The following GHR variants were observed in gnomAD, a reference collection of about 807,000 sequenced individuals.
The protein encoded by GHR is growth hormone receptor, also known as GH receptor.
Under a neutral mutation model 67.1 loss-of-function variants are expected in GHR, and 35 were observed. That is an observed-to-expected ratio of 0.52 (90% CI 0.40 to 0.69). The LOEUF (loss-of-function observed/expected upper bound fraction) is 0.69. Among genes scored for constraint, GHR ranks in the 30% least tolerant of loss-of-function variants. GHR has a pLI of 0.00. For missense variants in GHR, 792 were observed against 764.6 expected (o/e 1.04, Z -0.42); for synonymous variants, 272 against 269.1 (o/e 1.01, Z -0.10).
At chr5:42,560,473 T>G (rs186964115) in intron 1 of GHR, among the ~76,000 whole-genome samples, 1 of 152,336 alleles carries the variant, frequency 6.6e-6, no homozygotes, top group Admixed American at 6.5e-5. Context: ...ATTACAGGTG[T>G]AAGCCACCAC....
At chr5:42,654,801 A>G (rs1185366078) in intron 3 of GHR, among the ~76,000 whole-genome samples, 1 of 152,152 alleles carries the variant, frequency 6.6e-6, no homozygotes, top group Non-Finnish European at 1.5e-5. Context: ...TTTTGCAAGC[A>G]CTGGCATTTA....
chr5:42,424,497 G>A lies in GHR; in HGVS notation c.-12+542G>A, dbSNP rs2111851637. 1.8e-6 allele frequency: 2 copies of A among 1,111,592 alleles called. No homozygotes were observed. The highest frequency in any genetic ancestry group is 5.2e-5 in the East Asian group (2 of 38,804). 68.9% of individuals were successfully genotyped at this position (1,111,592 alleles called of 1,614,324 possible). ...GCTGTGCGCGTGGACACAGCGCGCA[G>A]AGCGCGCGGTCTTTTGCGCGTTTGT... On this transcript the variant is annotated intron_variant, in intron 1 of 9. Transcript: ENST00000230882. The surrounding 1 kb of genome is among the most constrained non-coding windows in gnomAD (Gnocchi z 4.1).
At chr5:42,638,143 G>C (rs1754295247) in intron 3 of GHR, among the ~76,000 whole-genome samples, 1 of 152,022 alleles carries the variant, frequency 6.6e-6, no homozygotes, top group African/African-American at 2.4e-5. Flanking sequence ...ATTTCACCGT[G>C]TTGGTCAGGC....
At chr5:42,684,746 A>C (rs1207737101) in intron 3 of GHR, among the ~76,000 whole-genome samples, 2 of 152,164 alleles carry the variant, frequency 1.3e-5, no homozygotes, top group Non-Finnish European at 2.9e-5. Context: ...CAGGAAAATG[A>C]GTATTTCTTA....
intron 3 of GHR, among the ~76,000 whole-genome samples, chr5:42,632,834 T>A (rs1013761501): frequency 3.9e-5 from 6 of 152,226 alleles, no homozygotes; most frequent in African/African-American, 1.4e-4. Flanking sequence ...AACTTTTTTA[T>A]ATTTTAAAGA....
At chr5:42,592,852 TC>T (rs1272700094) in intron 2 of GHR, among the ~76,000 whole-genome samples, 1 of 152,206 alleles carries the variant, frequency 6.6e-6, no homozygotes, top group Non-Finnish European at 1.5e-5. Flanking sequence ...TAATTTACAT[TC>T]CTACAAGCAA....
intron 1 of GHR, among the ~76,000 whole-genome samples, chr5:42,519,840 A>G (rs1377985514): frequency 6.6e-6 from 1 of 152,168 alleles, no homozygotes; most frequent in Non-Finnish European, 1.5e-5. Context: ...GCAGGGTATG[A>G]CACATGTAGT....
intron 1 of GHR, among the ~76,000 whole-genome samples, chr5:42,525,603 A>AGGGACTGC (rs1261928177): frequency 6.6e-6 from 1 of 152,198 alleles, no homozygotes; most frequent in African/African-American, 2.4e-5. Flanking sequence ...TGGTTTTAAA[A>AGGGACTGC]TGTGAAGACA....
At chr5:42,516,223 C>G (rs547650248) in intron 1 of GHR, among the ~76,000 whole-genome samples, 1 of 152,174 alleles carries the variant, frequency 6.6e-6, no homozygotes, top group Non-Finnish European at 1.5e-5. Context: ...TGATTTCCAC[C>G]TTTAAAGCAG....
chr5:42,714,683 T>G (rs555338809), intron 8 of GHR, among the ~76,000 whole-genome samples: 1 of 152,316 alleles, frequency 6.6e-6, no homozygotes, highest in South Asian at 2.1e-4. Flanking sequence ...CACCTAACTT[T>G]CTGGCAACAT....
chr5:42,431,633 G>A (rs1743099399), intron 1 of GHR, among the ~76,000 whole-genome samples: 1 of 152,132 alleles, frequency 6.6e-6, no homozygotes, highest in Non-Finnish European at 1.5e-5. Flanking sequence ...GTTTTGATTA[G>A]GGCTTTCTTC....
chr5:42,474,319 A>AAGAAAGAAAGAAAGAAAGAAAGAC lies in GHR; in HGVS notation c.-12+50385_-12+50386insGACAGAAAGAAAGAAAGAAAGAAA, dbSNP rs1745182158. Reference sequence around the variant, plus strand: ...AGAGAAAGAAAGAAAGAAAGAAAGAAAGAAAGAAAGAAAGAAAGAAAAGAA... The same window carrying AAGAAAGAAAGAAAGAAAGAAAGAC: ...AGAGAAAGAAAGAAAGAAAGAAAGAAAGAAAGAAAGAAAGAAAGAAAGACAGAAAGAAAGAAAGAAAGAAAAGAA... On this transcript the variant is annotated intron_variant, in intron 1 of 9. Transcript: ENST00000230882. Among the ~76,000 whole-genome samples, 7 of 138,228 alleles carry AAGAAAGAAAGAAAGAAAGAAAGAC rather than the reference A, an allele frequency of 5.1e-5. No homozygotes were observed. In the South Asian group the frequency reaches 1.6e-3, roughly 32 times the overall value. The allele number at this position is 138,228 out of a possible 152,430, so 90.7% of individuals were successfully genotyped here.
At chr5:42,481,396 A>G (rs1485221467) in intron 1 of GHR, among the ~76,000 whole-genome samples, 3 of 152,006 alleles carry the variant, frequency 2.0e-5, no homozygotes, top group African/African-American at 4.8e-5. Flanking sequence ...GAGTATCTTT[A>G]TGGCGTTTTC....
chr5:42,712,617 C>G (rs1758517677), intron 7 of GHR, among the ~76,000 whole-genome samples: 2 of 151,916 alleles, frequency 1.3e-5, no homozygotes, highest in Non-Finnish European at 2.9e-5. Context: ...TTTTAAATGG[C>G]AATGTTAAGG....
intron 1 of GHR, among the ~76,000 whole-genome samples, chr5:42,540,754 CA>C (rs1748472098): frequency 6.6e-6 from 1 of 151,702 alleles, no homozygotes; most frequent in Admixed American, 6.6e-5. Context: ...AAGGCTGCAA[CA>C]ACCACAAACT....
chr5:42,616,916 G>C (rs1753182981), intron 2 of GHR, among the ~76,000 whole-genome samples: 1 of 151,988 alleles, frequency 6.6e-6, no homozygotes, highest in African/African-American at 2.4e-5. Context: ...AATAAGAAGG[G>C]ACTATTGAAT....
intron 1 of GHR, among the ~76,000 whole-genome samples, chr5:42,460,693 C>T (rs1459265957): frequency 1.3e-5 from 2 of 151,632 alleles, no homozygotes; most frequent in Non-Finnish European, 2.9e-5. Context: ...ATCCATCAAC[C>T]CAAAAGCAAA....
intron 2 of GHR, among the ~76,000 whole-genome samples, chr5:42,598,159 T>A (rs1275962480): frequency 6.6e-6 from 1 of 151,906 alleles, no homozygotes; most frequent in Non-Finnish European, 1.5e-5. Flanking sequence ...AGACAAAGTG[T>A]AGGAATGTGA....
chr5:42,686,024 T>C (rs1288642299), intron 3 of GHR, among the ~76,000 whole-genome samples: 3 of 152,260 alleles, frequency 2.0e-5, no homozygotes, highest in Admixed American at 6.5e-5. Flanking sequence ...CTCATGCCTA[T>C]TTCCTGAATG....
Sources: allele counts gnomAD v4.1 joint callset (sites outside exome capture counted in the v4.1 genomes callset), GRCh38; gene constraint gnomAD v4.1.1; non-coding constraint Gnocchi (gnomAD v3.1); transcripts MANE v1.5; gene names NCBI Gene and HGNC (gene_info 2026-07-23, HGNC 2026-07-21).